RFX5: variants seen among roughly 807,000 people sequenced by gnomAD.
RFX5 encodes the protein regulatory factor X5.
A neutral mutation model predicts 41.2 loss-of-function variants in RFX5; 30 were observed. The observed-to-expected ratio is 0.73, with a 90% CI of 0.54 to 0.99. RFX5 has a LOEUF of 0.99. RFX5 is among the 50% of genes least tolerant of loss of function. RFX5 has a pLI of 0.00. For missense variants in RFX5, 715 were observed against 773.6 expected, an observed-to-expected ratio of 0.92 and a Z score of 0.90; for synonymous variants, 231 against 291.8, an observed-to-expected ratio of 0.79 and a Z score of 2.12.
Position 151,344,710 on chromosome 1 carries a change from A to AC in RFX5, c.353+17dup. 1.1e-6 allele frequency: 1 copy of AC among 930,526 alleles called. No individual in the cohort carries two copies. Among genetic ancestry groups the AC allele is most frequent in the Non-Finnish European group, 1.6e-6 (1 of 636,452 alleles). 57.6% of individuals were successfully genotyped at this position (930,526 alleles called of 1,614,324 possible). The stretch of plus-strand genomic sequence containing the variant: ...TGCCCACCAATCCACTCATCCCACC[A>AC]CCCACCCCTCCACCCACCGATAGGC... On this transcript the variant is annotated intron_variant, in intron 6 of 10. Transcript: ENST00000452671.
In RFX5 at chr1:151,343,084, T is replaced by C; in HGVS notation, c.953A>G (p.Asn318Ser). ...SVVESSAPGA[N>S]NLQVNALVAR... is the part of the protein sequence containing the mutation. ...CACTAGGGCATTAACCTGCAGGTTA[T>C]TGGCTCCTGGGGCCGAGCTCTCAAC... The change falls in exon 11 of 11, where the codon AAT becomes AGT. Residue 318 changes from asparagine to serine, a missense_variant. Transcript: ENST00000452671. 6.2e-7 allele frequency: 1 copy of C among 1,613,312 alleles called. No individual in the cohort carries two copies. Among genetic ancestry groups the C allele is most frequent in the Non-Finnish European group, 8.5e-7 (1 of 1,179,968 alleles).
intron 3 of RFX5, 96 bp downstream of exon 3, chr1:151,346,109 C>A: frequency 3.9e-6 from 6 of 1,553,518 alleles, no homozygotes; most frequent in Non-Finnish European, 5.3e-6. Context: ...CTCCCATGCC[C>A]TTGCTGAGAG....
chr1:151,342,947 T>C lies in RFX5; in HGVS notation c.1090A>G (p.Thr364Ala), dbSNP rs1290400173. 9 of 1,613,988 alleles carry C rather than the reference T, an allele frequency of 5.6e-6. No homozygotes were observed. The highest frequency in any genetic ancestry group is 4.5e-5 in the East Asian group (2 of 44,890). The change falls in exon 11 of 11, where the codon ACA becomes GCA. Residue 364 changes from threonine (T) to alanine (A), a missense_variant. Physicochemically the swap from Thr to Ala is moderately conservative, Grantham distance 58. Transcript: ENST00000452671. ...RLSSGALKVA[T>A]LPLSSRAGAP... ...CCGGCCCTACTAGACAGAGGCAGTG[T>C]AGCCACTTTCAGGGCACCTGAAGAA...
At position 151,344,199 on chromosome 1, in the gene RFX5, T is replaced by G; in HGVS notation, c.553A>C (p.Ser185Arg). 6.2e-7 allele frequency: 1 copy of G among 1,614,176 alleles called. No homozygotes were observed. ...LPGLDLKGSE[S>R]PEMGPEVTPA... is the part of the protein sequence containing the mutation. Reference sequence around the variant, plus strand: ...TTGGAAGGTGATTTGGTACTTACACTCTCAGAACCCTTTAGGTCAAGTCCA... The same window carrying G: ...TTGGAAGGTGATTTGGTACTTACACGCTCAGAACCCTTTAGGTCAAGTCCA... Residue 185 changes from serine to arginine, a missense_variant and splice_region_variant, in exon 8 of 11, where the codon AGT becomes CGT. Transcript: ENST00000452671.
rs1433572235 is a variant in RFX5 at position 151,343,896 on chromosome 1, G to A, written c.556-14C>T. ...GCCCATTTCTGGCTGAAGTGGGGAAGGACATGCCCAATCACACTCCAAATT... is the reference window on the plus strand; with the variant it reads ...GCCCATTTCTGGCTGAAGTGGGGAAAGACATGCCCAATCACACTCCAAATT... On this transcript the variant is annotated splice_polypyrimidine_tract_variant and intron_variant, in intron 8 of 10. Transcript: ENST00000452671. 6.2e-7 allele frequency: 1 copy of A among 1,611,796 alleles called. No individual in the cohort carries two copies.
Position 151,346,324 on chromosome 1 carries a change from G to A in RFX5, c.-4C>T, listed in dbSNP as rs1044336436. On this transcript the variant is annotated 5_prime_UTR_variant, in exon 3 of 11. Transcript: ENST00000452671. ...CATCAGGCTCATCTTCTGCCATCCC[G>A]GCATGAGGGCTAGAATTGAGAGGGA... 13 of 1,613,126 alleles carry A rather than the reference G, an allele frequency of 8.1e-6. No homozygotes were observed. The highest frequency in any genetic ancestry group is 2.2e-5 in the East Asian group (1 of 44,882).
chr1:151,341,150 A>G lies in RFX5; in HGVS notation c.*1036T>C, dbSNP rs1476495917. 6.6e-6 allele frequency: 1 copy of G among 152,256 alleles called. No homozygotes were observed. Among genetic ancestry groups the G allele is most frequent in the African/African-American group, 2.4e-5 (1 of 41,466 alleles). 9.4% of individuals were successfully genotyped at this position (152,256 alleles called of 1,614,324 possible). On this transcript the variant is annotated 3_prime_UTR_variant, in exon 11 of 11. Coordinates refer to ENST00000452671, the MANE Select transcript of RFX5 (RefSeq NM_001025603.2). The stretch of plus-strand genomic sequence containing the variant: ...AGAGGGAAGCAGGAATGAGAAGACA[A>G]AAATTAAGAAACAGGAAAAGGAAGG...
rs746220865 is a variant in RFX5, at chr1:151,342,890, T to C, written c.1147A>G (p.Met383Val). The C allele has an allele frequency of 3.1e-6, 5 of 1,614,172 alleles. No homozygotes were observed. Among genetic ancestry groups the C allele is most frequent in the Non-Finnish European group, 4.2e-6 (5 of 1,180,020 alleles). Residue 383 changes from methionine (M) to valine (V), a missense_variant, in exon 11 of 11, where the codon ATG becomes GTG. By Grantham distance (21) the Met-to-Val change is conservative. Transcript: ENST00000452671. ...APPAAVPIIN[M>V]ILPTVPALPG... is the part of the protein sequence containing the mutation. ...AAAGCAGGAACAGTTGGTAAGATCA[T>C]GTTAATGATGGGCACAGCTGCTGGG...
At position 151,344,194 on chromosome 1, in the gene RFX5, T is replaced by TA; in HGVS notation, c.555+2dup. 6.2e-7 allele frequency: 1 copy of TA among 1,614,096 alleles called. No homozygotes were observed. Among genetic ancestry groups the TA allele is most frequent in the Non-Finnish European group, 8.5e-7 (1 of 1,179,928 alleles). ...TGGAATTGGAAGGTGATTTGGTACT[T>TA]ACACTCTCAGAACCCTTTAGGTCAA... On this transcript the variant is annotated splice_region_variant and intron_variant, in intron 8 of 10. Transcript: ENST00000452671.
rs753729096 is a variant in RFX5, at chr1:151,347,036, C to T, written c.-132+175G>A. On this transcript the variant is annotated intron_variant, in intron 1 of 10. Transcript: ENST00000452671. Reference sequence around the variant, plus strand: ...ACTCATGCGCTGGGCGTCAGAAACCCGGCAGGGGAATGGGGTCCCAGATTC... The same window carrying T: ...ACTCATGCGCTGGGCGTCAGAAACCTGGCAGGGGAATGGGGTCCCAGATTC... The T allele has an allele frequency of 5.9e-5, 9 of 152,598 alleles. 1 individual carries two copies. The South Asian group carries it at 1.8e-3, about 31-fold the overall frequency. 9.5% of individuals were successfully genotyped at this position (152,598 alleles called of 1,614,324 possible). A position where few individuals can be genotyped will look rare whatever the true frequency, so the allele number is the denominator to read the frequency against.
Position 151,345,726 on chromosome 1 carries a change from TG to T in RFX5, c.150+201del, listed in dbSNP as rs534994676. On this transcript the variant is annotated intron_variant, in intron 4 of 10. Coordinates refer to ENST00000452671, the MANE Select transcript of RFX5 (RefSeq NM_001025603.2). ...GGATCAGCTCTGACTTCATCTCTGC[TG>T]GGCTTCTATGCAAGTGCTCACAGAG... Among the ~76,000 whole-genome samples, 52 of 152,246 alleles carry T rather than the reference TG, an allele frequency of 3.4e-4. No individual in the cohort carries two copies. In the East Asian group the frequency reaches 9.2e-3, roughly 27 times the overall value.
At position 151,340,676 on chromosome 1, in the gene RFX5, G is replaced by C. The variant is rs1650377176; in HGVS notation, c.*1510C>G. 6.6e-6 allele frequency: 1 copy of C among 152,498 alleles called. No individual in the cohort carries two copies. The highest frequency in any genetic ancestry group is 6.6e-5 in the Admixed American group (1 of 15,262). 9.4% of individuals were successfully genotyped at this position (152,498 alleles called of 1,614,324 possible). A position where few individuals can be genotyped will look rare whatever the true frequency, so the allele number is the denominator to read the frequency against. ...ATGTTTTAATGTATATGTGTTATGG[G>C]TCATAGGTACTCATTAGTATGCTTC... On this transcript the variant is annotated 3_prime_UTR_variant, in exon 11 of 11. Coordinates refer to ENST00000452671, the MANE Select transcript of RFX5 (RefSeq NM_001025603.2).
Position 151,343,703 on chromosome 1 carries a change from C to T in RFX5, c.735G>A (p.Val245=). The part of the protein sequence containing the change: ...LISARSAHAH[V]LKAMGLAEED... ...CACCAGCGAGCCCCATGGCCTTAAG[C>T]ACATGGGCATGTGCAGATCGGGCAG... The change falls in exon 9 of 11, where the codon GTG becomes GTA. Residue 245 remains valine, a synonymous_variant. Coordinates refer to ENST00000452671, the MANE Select transcript of RFX5 (RefSeq NM_001025603.2). 6.2e-7 allele frequency: 1 copy of T among 1,614,094 alleles called. No homozygotes were observed. The highest frequency in any genetic ancestry group is 8.5e-7 in the Non-Finnish European group (1 of 1,180,008).
Position 151,344,034 on chromosome 1 carries a change from C to A in RFX5, c.556-152G>T. Reference sequence around the variant, plus strand: ...ATCCCATTGCAGAAGCCCACAAGTTCTCTTCATCCTCTGCCTCAGCTACAG... The same window carrying A: ...ATCCCATTGCAGAAGCCCACAAGTTATCTTCATCCTCTGCCTCAGCTACAG... On this transcript the variant is annotated intron_variant, in intron 8 of 10. Coordinates refer to ENST00000452671, the MANE Select transcript of RFX5 (RefSeq NM_001025603.2). The A allele has an allele frequency of 2.7e-6, 3 of 1,099,844 alleles. No homozygotes were observed. The South Asian group carries it at 4.3e-5, about 16-fold the overall frequency. The allele number at this position is 1,099,844 out of a possible 1,614,324, so 68.1% of individuals were successfully genotyped here. A position where few individuals can be genotyped will look rare whatever the true frequency, so the allele number is the denominator to read the frequency against.
chr1:151,344,093 A>T, intron 8 of RFX5, 104 bp downstream of exon 8: 1 of 1,201,438 alleles, frequency 8.3e-7, no homozygotes. Flanking sequence ...CCTAGAAGCT[A>T]TGTACATAAT....
chr1:151,342,439 C>G lies in RFX5; in HGVS notation c.1598G>C (p.Gly533Ala), dbSNP rs1196607368. 1 of 1,614,182 alleles carries G rather than the reference C, an allele frequency of 6.2e-7. No homozygotes were observed. The highest frequency in any genetic ancestry group is 2.2e-5 in the East Asian group (1 of 44,884). The change falls in exon 11 of 11, where the codon GGT becomes GCT. Residue 533 changes from glycine to alanine, a missense_variant. Transcript: ENST00000452671. ...EAEKGAVLAQ[G>A]QGDGTVSKGG... ...TTTGGAAACAGTACCATCTCCCTGA[C>G]CCTGGGCAAGTACTGCCCCCTTTTC...
chr1:151,346,002 T>A lies in RFX5; in HGVS notation c.117-41A>T, dbSNP rs764535041. 4.3e-6 allele frequency: 7 copies of A among 1,614,094 alleles called. No individual in the cohort carries two copies. In the South Asian group the frequency reaches 7.7e-5, roughly 18 times the overall value. ...GAAAGCTGGAGGTCACACACAAGATTTTCCCTGTCTCTTTATCTGACTGCT... is the reference window on the plus strand; with the variant it reads ...GAAAGCTGGAGGTCACACACAAGATATTCCCTGTCTCTTTATCTGACTGCT... On this transcript the variant is annotated intron_variant, in intron 3 of 10. Transcript: ENST00000452671.
At chr1:151,345,069 C>A in intron 5 of RFX5, 37 bp downstream of exon 5, 1 of 1,590,780 alleles carries the variant, frequency 6.3e-7, no homozygotes, top group South Asian at 1.1e-5. Context: ...CTCTAAGAAT[C>A]AGAACCTCTG....
Position 151,343,133 on chromosome 1 carries a change from G to C in RFX5, c.904C>G (p.Arg302Gly), listed in dbSNP as rs757930556. Residue 302 changes from arginine to glycine, a missense_variant, in exon 11 of 11, where the codon CGT (arginine) becomes GGT (glycine). By Grantham distance (125) the Arg-to-Gly change is moderately radical. Coordinates refer to ENST00000452671, the MANE Select transcript of RFX5 (RefSeq NM_001025603.2). ...ACTACACTCTTCTTCCGCTCTCCAC[G>C]TGCGAGAGGACCGGCCCCAGTTCGG... ...EARTGAGPLA[R>G]GERKKSVVES... 4.2e-5 allele frequency: 68 copies of C among 1,611,944 alleles called. No individual in the cohort carries two copies. The Admixed American group carries it at 1.1e-3, about 26-fold the overall frequency.
Sources: allele counts gnomAD v4.1 joint callset (sites outside exome capture counted in the v4.1 genomes callset), GRCh38; gene constraint gnomAD v4.1.1; transcripts MANE v1.5; gene names NCBI Gene and HGNC (gene_info 2026-07-23, HGNC 2026-07-21).